The following WDR45 variants were observed in gnomAD, a reference collection of about 807,000 sequenced individuals.
WDR45 encodes WD repeat domain 45.
In WDR45, 2 loss-of-function variants were observed where a neutral mutation model predicts 27.3. The observed-to-expected ratio is 0.07, with a 90% CI of 0.03 to 0.23. The LOEUF (loss-of-function observed/expected upper bound fraction) is 0.23. WDR45 is among the 10% of genes least tolerant of loss of function. The pLI is 1.00. For synonymous variants in WDR45, 99 were observed against 119.2 expected (o/e 0.83, Z 1.11); for missense variants, 175 against 311.9 (o/e 0.56, Z 3.31).
At chrX:49,076,042 C>T (rs1405230560) in intron 6 of WDR45, 97 bp from the exon 7 acceptor site, 17 of 756,995 alleles carry the variant, frequency 2.2e-5, no homozygotes, top group Non-Finnish European at 3.4e-5. Flanking sequence ...CAACCCTCCA[C>T]GATAAGCTTA....
chrX:49,085,846 A>T (rs2065084593), intron 2 of WDR45, among the ~76,000 whole-genome samples: 1 of 110,967 alleles, frequency 9.0e-6, no homozygotes, highest in Non-Finnish European at 1.9e-5. Flanking sequence ...AAAGAGTGAG[A>T]CTCTGTCTCT....
chrX:49,088,816 C>G (rs2065094902), intron 2 of WDR45, among the ~76,000 whole-genome samples: 2 of 111,510 alleles, frequency 1.8e-5, no homozygotes, highest in Admixed American at 9.7e-5. Flanking sequence ...CACTACAATC[C>G]AGCCTAGACA....
intron 2 of WDR45, among the ~76,000 whole-genome samples, chrX:49,086,260 C>T (rs1348376001): frequency 1.8e-5 from 2 of 111,864 alleles, no homozygotes; most frequent in African/African-American, 6.5e-5. Context: ...TCAAGCGATT[C>T]TCCTGCCTCA....
chrX:49,095,466 A>C (rs1274579090), intron 2 of WDR45, among the ~76,000 whole-genome samples: 1 of 103,566 alleles, frequency 9.7e-6, no homozygotes, highest in Non-Finnish European at 2.0e-5. Context: ...CATCCGGCTA[A>C]TTTTTTTTTT....
At chrX:49,076,805 C>T (rs2065040780) in intron 4 of WDR45, 55 bp from the exon 5 acceptor site, 3 of 1,023,446 alleles carry the variant, frequency 2.9e-6, no homozygotes, top group African/African-American at 3.7e-5. Context: ...AGGGGCAGCC[C>T]TGGTGACACA....
At chrX:49,095,014 C>G (rs1414277746) in intron 2 of WDR45, among the ~76,000 whole-genome samples, 2 of 109,352 alleles carry the variant, frequency 1.8e-5, no homozygotes, top group Non-Finnish European at 3.8e-5. Context: ...TCTCAAACTC[C>G]CGACCTCAGG....
intron 2 of WDR45, among the ~76,000 whole-genome samples, chrX:49,086,541 A>T (rs782770401): frequency 5.2e-4 from 58 of 111,076 alleles, no homozygotes; most frequent in African/African-American, 1.8e-3. Context: ...TCTGGGACTG[A>T]TAAATTTTGC....
chrX:49,087,057 T>G (rs1325383562), intron 2 of WDR45, among the ~76,000 whole-genome samples: 3 of 109,913 alleles, frequency 2.7e-5, no homozygotes, highest in Non-Finnish European at 3.8e-5. Context: ...TTTTGTTTTT[T>G]TTTTTTAAAG....
At chrX:49,077,380 A>G (rs2065043848) in intron 4 of WDR45, 2 of 418,530 alleles carry the variant, frequency 4.8e-6, no homozygotes, top group Admixed American at 8.3e-5. Context: ...TGAGTTAATA[A>G]ACGTAAAGTG....
intron 2 of WDR45, among the ~76,000 whole-genome samples, chrX:49,087,281 C>T (rs1270116507): frequency 1.8e-5 from 2 of 110,372 alleles, no homozygotes; most frequent in African/African-American, 3.3e-5. Flanking sequence ...CTCTTCAACC[C>T]GGGAGGCAGA....
intron 4 of WDR45, chrX:49,077,074 T>A: frequency 3.7e-6 from 1 of 268,142 alleles, no homozygotes; most frequent in Non-Finnish European, 6.6e-6. Context: ...TATTTCTGCC[T>A]CCAGGGTCCT....
At chrX:49,099,700 G>A (rs2065138302) in intron 2 of WDR45, among the ~76,000 whole-genome samples, 1 of 108,736 alleles carries the variant, frequency 9.2e-6, no homozygotes, top group Non-Finnish European at 1.9e-5. Flanking sequence ...AGAATGGCGT[G>A]AACCCGGAAG....
At position 49,078,021 on chromosome X, in the gene WDR45, C is replaced by T. The variant is rs1244075154; in HGVS notation, c.55+20G>A. On this transcript the variant is annotated intron_variant, in intron 2 of 10. Coordinates refer to ENST00000376372, the MANE Select transcript of WDR45 (RefSeq NM_001029896.2). ...TTCCTCGCTTCCTCCCACAAGGGTACAGGCCCAATCCTCTCTCACTTTGGT... is the reference window on the plus strand; with the variant it reads ...TTCCTCGCTTCCTCCCACAAGGGTATAGGCCCAATCCTCTCTCACTTTGGT... The T allele has an allele frequency of 8.3e-7, 1 of 1,211,973 alleles. No individual in the cohort carries two copies. Among genetic ancestry groups the T allele is most frequent in the Non-Finnish European group, 1.1e-6 (1 of 895,318 alleles).
chrX:49,078,974 CCA>C (rs1489408314), intron 1 of WDR45: 2 of 111,703 alleles, frequency 1.8e-5, no homozygotes, highest in African/African-American at 3.3e-5. Context: ...TTTGACCACC[CCA>C]GAGTCCTCTC....
chrX:49,090,218 C>T (rs1208686176), intron 2 of WDR45, among the ~76,000 whole-genome samples: 2 of 110,923 alleles, frequency 1.8e-5, no homozygotes, highest in East Asian at 2.8e-4. Flanking sequence ...CGCCTGCCAC[C>T]GCGCCCGGCT....
chrX:49,097,957 C>T (rs1430281698), intron 2 of WDR45, among the ~76,000 whole-genome samples: 1 of 109,362 alleles, frequency 9.1e-6, no homozygotes, highest in Non-Finnish European at 1.9e-5. Flanking sequence ...TGTGCCCGGC[C>T]TATTTATTTA....
At chrX:49,099,503 C>T (rs2065137439) in intron 2 of WDR45, among the ~76,000 whole-genome samples, 1 of 111,212 alleles carries the variant, frequency 9.0e-6, no homozygotes, top group Admixed American at 9.6e-5. Flanking sequence ...GTTTCTGGGG[C>T]GGGCGTAGTG....
At chrX:49,099,616 C>CTAAAAA (rs1557087815) in intron 2 of WDR45, among the ~76,000 whole-genome samples, 1 of 108,878 alleles carries the variant, frequency 9.2e-6, no homozygotes, top group Non-Finnish European at 1.9e-5. Context: ...CCTGTCTCTA[C>CTAAAAA]TAAAAATACA....
chrX:49,084,513 T>C, upstream of WDR45, among the ~76,000 whole-genome samples: 2 of 110,025 alleles, frequency 1.8e-5, no homozygotes, highest in Middle Eastern at 4.6e-3. Flanking sequence ...CAAGTCCCTG[T>C]CTCTACAAGA....
Sources: allele counts gnomAD v4.1 joint callset (sites outside exome capture counted in the v4.1 genomes callset), GRCh38; gene constraint gnomAD v4.1.1; transcripts MANE v1.5; gene names NCBI Gene and HGNC (gene_info 2026-07-23, HGNC 2026-07-21).